Variants in DLG2 observed in about 807,000 individuals in gnomAD.
DLG2 encodes the protein discs large MAGUK scaffold protein 2.
Under a neutral mutation model 132.5 loss-of-function variants are expected in DLG2, and 45 were observed. The ratio of observed to expected loss-of-function variants is 0.34; its 90% CI spans 0.27 to 0.44. The LOEUF is 0.44. Ranked by LOEUF, DLG2 falls within the 20% of genes least tolerant of loss-of-function variation. The pLI, the probability that DLG2 is intolerant of heterozygous loss-of-function variation, is 1.00. For missense variants in DLG2, 1,045 were observed against 1,196.9 expected (o/e 0.87, Z 1.87); for synonymous variants, 424 against 419.6 (o/e 1.01, Z -0.13).
chr11:84,176,780 T>G (rs574408610), intron 8 of DLG2, among the ~76,000 whole-genome samples: 1 of 152,186 alleles, frequency 6.6e-6, no homozygotes, highest in East Asian at 1.9e-4. Flanking sequence ...CTTTAAGTAT[T>G]CTGTCACAGG....
At chr11:83,917,631 C>A (rs903789509) in intron 15 of DLG2, among the ~76,000 whole-genome samples, 1 of 152,132 alleles carries the variant, frequency 6.6e-6, no homozygotes, top group Non-Finnish European at 1.5e-5. Context: ...GAAGGACTTC[C>A]CTCTGTCTGC....
chr11:83,797,201 G>C (rs2043037021), intron 17 of DLG2, among the ~76,000 whole-genome samples: 1 of 151,330 alleles, frequency 6.6e-6, no homozygotes, highest in South Asian at 2.1e-4. Flanking sequence ...ACAAATGTGA[G>C]AAAGAAGTGA....
chr11:84,069,523 T>C (rs2096725486), intron 10 of DLG2, among the ~76,000 whole-genome samples: 1 of 152,198 alleles, frequency 6.6e-6, no homozygotes, highest in Non-Finnish European at 1.5e-5. Context: ...GACCAACTGA[T>C]AGCCTCTTCA....
chr11:83,959,744 C>T (rs893552959), intron 14 of DLG2, among the ~76,000 whole-genome samples: 4 of 151,906 alleles, frequency 2.6e-5, no homozygotes, highest in African/African-American at 9.7e-5. Context: ...AGGGATGGGG[C>T]CTTTGAAAAC....
intron 6 of DLG2, among the ~76,000 whole-genome samples, chr11:84,773,373 T>C (rs1177751999): frequency 1.3e-5 from 2 of 152,126 alleles, no homozygotes; most frequent in Admixed American, 1.3e-4. Flanking sequence ...ACAATTCTAC[T>C]GGAATTATTC....
At chr11:85,204,730 A>C (rs1210245898) in intron 4 of DLG2, among the ~76,000 whole-genome samples, 1 of 152,158 alleles carries the variant, frequency 6.6e-6, no homozygotes, top group Non-Finnish European at 1.5e-5. Flanking sequence ...AGCCAAAGCA[A>C]TCCTGGGCAA....
Position 83,963,015 on chromosome 11 carries a change from G to C in DLG2, c.1210C>G (p.Pro404Ala), listed in dbSNP as rs1214035616. ...GAGAGTAGATGGTTTTCCATTGGTG[G>C]AGAATAAGCTAAGAGGTGGGGGAAA... is the stretch of plus-strand genomic sequence containing the variant. The part of the protein sequence containing the change: ...GPPDITHSYS[P>A]PMENHLLSGN... The change falls in exon 14 of 28, where the codon CCA becomes GCA. Residue 404 changes from proline (P) to alanine (A), a missense_variant. Physicochemically the swap from Pro to Ala is conservative, Grantham distance 27. Coordinates refer to ENST00000376104, the MANE Select transcript of DLG2 (RefSeq NM_001142699.3). 2 of 1,612,654 alleles carry C rather than the reference G, an allele frequency of 1.2e-6. No homozygotes were observed. Among genetic ancestry groups the C allele is most frequent in the Non-Finnish European group, 1.7e-6 (2 of 1,178,844 alleles).
intron 8 of DLG2, among the ~76,000 whole-genome samples, chr11:84,190,826 G>C (rs1372592688): frequency 6.6e-6 from 1 of 152,022 alleles, no homozygotes; most frequent in East Asian, 1.9e-4. Flanking sequence ...TTGTCAATTG[G>C]TAAGTTTCTC....
In DLG2 at chr11:84,048,802, T is replaced by TC. The variant is rs1463367337; in HGVS notation, c.919+10512_919+10513insG. Among the ~76,000 whole-genome samples the TC allele has an allele frequency of 2.0e-5, 3 of 151,676 alleles. No individual in the cohort carries two copies. In the East Asian group the frequency reaches 5.8e-4, roughly 30 times the overall value. On this transcript the variant is annotated intron_variant, in intron 11 of 27. Transcript: ENST00000376104. ...TGCTAACCTAAACATCTCCAAGTTA[T>TC]TATGGTTACAAGATAGAAAATCCAA...
At chr11:83,581,006 T>C (rs2096965939) in intron 19 of DLG2, among the ~76,000 whole-genome samples, 1 of 150,574 alleles carries the variant, frequency 6.6e-6, no homozygotes, top group Non-Finnish European at 1.5e-5. Flanking sequence ...CTTTCTCTTG[T>C]AGCAGAAAGT....
intron 19 of DLG2, chr11:83,632,382 A>G (rs758692242): frequency 1.3e-5 from 2 of 152,230 alleles, no homozygotes; most frequent in African/African-American, 4.8e-5. Flanking sequence ...TACAATAAGA[A>G]TGGGCATGGT....
At chr11:85,060,726 T>TA (rs1416044475) in intron 6 of DLG2, among the ~76,000 whole-genome samples, 1 of 151,722 alleles carries the variant, frequency 6.6e-6, no homozygotes, top group African/African-American at 2.4e-5. Context: ...ATATGAAAAT[T>TA]AAATTTTTTA....
At chr11:85,541,421 G>C (rs1445067459) in intron 3 of DLG2, among the ~76,000 whole-genome samples, 2 of 151,276 alleles carry the variant, frequency 1.3e-5, no homozygotes, top group Non-Finnish European at 2.9e-5. Context: ...GAGGAAACTA[G>C]GCCTAAAAAA....
At chr11:84,312,783 A>ATTTTATT (rs1290944026) in intron 7 of DLG2, among the ~76,000 whole-genome samples, 2 of 152,012 alleles carry the variant, frequency 1.3e-5, no homozygotes, top group Admixed American at 1.3e-4. Flanking sequence ...TTTCTTTACA[A>ATTTTATT]TTTTATTTTT....
intron 6 of DLG2, among the ~76,000 whole-genome samples, chr11:84,988,888 A>T (rs980592389): frequency 6.6e-6 from 1 of 152,178 alleles, no homozygotes; most frequent in Non-Finnish European, 1.5e-5. Context: ...ATAATAATAA[A>T]GAATACAGAT....
At chr11:84,427,135 A>C (rs2098969390) in intron 7 of DLG2, among the ~76,000 whole-genome samples, 1 of 152,132 alleles carries the variant, frequency 6.6e-6, no homozygotes, top group Admixed American at 6.6e-5. Context: ...GTAGAGTAAG[A>C]GGCATCATTG....
chr11:85,120,739 G>C (rs1283630527), intron 5 of DLG2, among the ~76,000 whole-genome samples: 2 of 151,914 alleles, frequency 1.3e-5, no homozygotes, highest in African/African-American at 4.8e-5. Flanking sequence ...ATTCTTGCTG[G>C]CATAGATAAT....
intron 3 of DLG2, among the ~76,000 whole-genome samples, chr11:85,347,178 A>G (rs1219098882): frequency 6.6e-6 from 1 of 152,088 alleles, no homozygotes; most frequent in Non-Finnish European, 1.5e-5. Context: ...AAATTATGAC[A>G]TTTGGGCATG....
chr11:85,164,856 C>A (rs2078314204), intron 4 of DLG2, among the ~76,000 whole-genome samples: 1 of 152,298 alleles, frequency 6.6e-6, no homozygotes, highest in South Asian at 2.1e-4. Flanking sequence ...ACATAACTAA[C>A]TAATATACTA....
Sources: gnomAD v4.1 joint callset for allele counts (sites outside exome capture counted in the v4.1 genomes callset) on GRCh38, gnomAD v4.1.1 for gene constraint, MANE v1.5 for transcripts, NCBI Gene and HGNC (gene_info 2026-07-23, HGNC 2026-07-21) for gene names.